SAMSN1: variants seen among roughly 807,000 people sequenced by gnomAD.
SAMSN1 encodes the protein SAM domain, SH3 domain and nuclear localization signals 1, also known as SAM domain-containing protein SAMSN-1.
A neutral mutation model predicts 42.0 loss-of-function variants in SAMSN1; 31 were observed. The observed-to-expected ratio is 0.74, with a 90% CI of 0.55 to 1.00. The LOEUF is 1.00. Ranked by LOEUF, SAMSN1 falls within the 50% of genes least tolerant of loss-of-function variation. The pLI is 0.00. For missense variants in SAMSN1, 464 were observed against 439.4 expected (o/e 1.06, Z -0.50); for synonymous variants, 178 against 151.9 (o/e 1.17, Z -1.26).
upstream of SAMSN1, among the ~76,000 whole-genome samples, chr21:14,586,287 A>G (rs1981917020): frequency 6.6e-6 from 1 of 150,542 alleles, no homozygotes; most frequent in Non-Finnish European, 1.5e-5. Flanking sequence ...AAGAAAAAGA[A>G]AAAAAAAGAA....
chr21:14,625,650 A>C (rs1394174888), intron 2 of SAMSN1, among the ~76,000 whole-genome samples: 5 of 152,088 alleles, frequency 3.3e-5, no homozygotes, highest in Non-Finnish European at 7.4e-5. Context: ...AGTGGAAGAT[A>C]ATTCCATGCT....
intron 2 of SAMSN1, among the ~76,000 whole-genome samples, chr21:14,560,245 T>A (rs905695260): frequency 6.6e-6 from 1 of 151,712 alleles, no homozygotes; most frequent in African/African-American, 2.4e-5. Flanking sequence ...ACAAGAAAAA[T>A]GGGGGGCATA....
At position 14,516,956 on chromosome 21, in the gene SAMSN1, G is replaced by A; in HGVS notation, c.215C>T (p.Ala72Val). 6.2e-7 allele frequency: 1 copy of A among 1,612,988 alleles called. No individual in the cohort carries two copies. Among genetic ancestry groups the A allele is most frequent in the African/African-American group, 1.3e-5 (1 of 74,964 alleles). Residue 72 changes from alanine (A) to valine (V), a missense_variant, in exon 3 of 8, where the codon GCT (alanine) becomes GTT (valine). Physicochemically the swap from Ala to Val is moderately conservative, Grantham distance 64 (BLOSUM62 0). Transcript: ENST00000400566. The stretch of plus-strand genomic sequence containing the variant: ...TTTTTTCTTCATTGTCCATGAAATA[G>A]CTCTCATTTTTTTACCCAAACCGCC... ...NGGGLGKKMR[A>V]ISWTMKKKVG...
At chr21:14,646,981 A>G (rs1600983128) in intron 1 of SAMSN1, among the ~76,000 whole-genome samples, 1 of 152,218 alleles carries the variant, frequency 6.6e-6, no homozygotes, top group East Asian at 1.9e-4. Context: ...TTCACTAGAC[A>G]AAGACAGGAA....
intron 2 of SAMSN1, among the ~76,000 whole-genome samples, chr21:14,567,670 G>A (rs1002536250): frequency 9.2e-5 from 14 of 152,078 alleles, no homozygotes; most frequent in South Asian, 4.1e-4. Flanking sequence ...CATTCCTGGC[G>A]TCCTGGTGTC....
intron 7 of SAMSN1, among the ~76,000 whole-genome samples, chr21:14,497,557 G>A (rs529688664): frequency 2.0e-5 from 3 of 152,120 alleles, no homozygotes; most frequent in Non-Finnish European, 4.4e-5. Flanking sequence ...GCACCGCTGC[G>A]CTCCACCCGG....
rs546504419 is a variant in SAMSN1 at position 14,616,968 on chromosome 21, C to A, written c.157-952G>T. The stretch of plus-strand genomic sequence containing the variant: ...TGATCGAAGGGGCCATTTATCTAAT[C>A]TTTATTTTGTTTGTATCAAGATTTT... On this transcript the variant is annotated intron_variant, in intron 2 of 15. Coordinates refer to the SAMSN1 transcript ENST00000647101. 2.0e-5 allele frequency among the ~76,000 whole-genome samples: 3 copies of A among 152,206 alleles called. No individual in the cohort carries two copies. In the South Asian group the frequency reaches 6.2e-4, roughly 32 times the overall value.
At chr21:14,618,295 G>A (rs1982896354) in intron 2 of SAMSN1, among the ~76,000 whole-genome samples, 1 of 152,116 alleles carries the variant, frequency 6.6e-6, no homozygotes, top group Non-Finnish European at 1.5e-5. Context: ...TTTCTCCTTA[G>A]GCAACCTGCT....
At chr21:14,576,410 G>A (rs1257664131) in intron 2 of SAMSN1, among the ~76,000 whole-genome samples, 1 of 152,130 alleles carries the variant, frequency 6.6e-6, no homozygotes, top group Non-Finnish European at 1.5e-5. Context: ...CGGTTAAGCT[G>A]TCTGTCTCCA....
chr21:14,602,186 AT>A, intron 5 of SAMSN1: 1 of 428,454 alleles, frequency 2.3e-6, no homozygotes, highest in Non-Finnish European at 4.3e-6. Context: ...TCATGTTTTT[AT>A]TTAGTCTGTA....
chr21:14,554,123 T>G (rs1249053952), intron 2 of SAMSN1, among the ~76,000 whole-genome samples: 6 of 152,194 alleles, frequency 3.9e-5, no homozygotes, highest in Non-Finnish European at 8.8e-5. Context: ...TTACTTTAGC[T>G]AGATTTTTAA....
chr21:14,542,507 AAC>A (rs1431534682), intron 1 of SAMSN1, among the ~76,000 whole-genome samples: 3 of 152,354 alleles, frequency 2.0e-5, no homozygotes. Flanking sequence ...TAGTTGGAAA[AAC>A]AGACAAGGAA....
At chr21:14,523,058 T>G (rs372276773) in intron 1 of SAMSN1, among the ~76,000 whole-genome samples, 1 of 152,192 alleles carries the variant, frequency 6.6e-6, no homozygotes, top group South Asian at 2.1e-4. Flanking sequence ...GAACTGATTT[T>G]TTTTTCTCCA....
intron 5 of SAMSN1, among the ~76,000 whole-genome samples, chr21:14,510,031 C>T (rs550833233): frequency 2.2e-4 from 33 of 151,056 alleles, no homozygotes; most frequent in Admixed American, 1.7e-3. Context: ...CCCAGCTACT[C>T]GGGAGGCTGA....
At chr21:14,630,480 A>G (rs1308353876) in intron 2 of SAMSN1, among the ~76,000 whole-genome samples, 1 of 152,146 alleles carries the variant, frequency 6.6e-6, no homozygotes, top group African/African-American at 2.4e-5. Context: ...AAAAAAAAGA[A>G]CAGAGCACAA....
At chr21:14,571,849 A>G (rs74374231) in intron 2 of SAMSN1, among the ~76,000 whole-genome samples, 2,650 of 152,244 alleles carry the variant, frequency 0.017, 34 homozygotes, top group Middle Eastern at 0.037. Flanking sequence ...TACCCCCAAG[A>G]AGCTAAAAGT....
chr21:14,605,161 G>T lies in SAMSN1; in HGVS notation c.323-3062C>A, dbSNP rs148068801. 7.6e-4 allele frequency among the ~76,000 whole-genome samples: 116 copies of T among 152,354 alleles called. 1 individual carries two copies. In the South Asian group the frequency reaches 8.3e-3, roughly 11 times the overall value. On this transcript the variant is annotated intron_variant, in intron 5 of 15. Transcript: ENST00000647101. ...TCAGCTTTTAGGTTATTCTAGCATA[G>T]ATACTTCTGACCATATTAATTTTCA...
intron 5 of SAMSN1, among the ~76,000 whole-genome samples, chr21:14,508,621 G>A (rs1021651030): frequency 6.6e-6 from 1 of 151,878 alleles, no homozygotes; most frequent in Non-Finnish European, 1.5e-5. Context: ...GTGTAAACTA[G>A]TACAACCACT....
intron 2 of SAMSN1, among the ~76,000 whole-genome samples, chr21:14,568,383 G>A (rs371673322): frequency 1.8e-4 from 27 of 152,092 alleles, no homozygotes; most frequent in East Asian, 9.6e-4. Context: ...GTGGAAAGGC[G>A]ACTGGAAAAA....
Sources: allele counts gnomAD v4.1 joint callset (sites outside exome capture counted in the v4.1 genomes callset), GRCh38; gene constraint gnomAD v4.1.1; transcripts MANE v1.5; gene names NCBI Gene and HGNC (gene_info 2026-07-23, HGNC 2026-07-21).